Variants in ATG13 observed in about 807,000 individuals in gnomAD.
ATG13 encodes autophagy-related protein 13.
A neutral mutation model predicts 65.5 loss-of-function variants in ATG13; 23 were observed. That is an observed-to-expected ratio of 0.35 (90% CI 0.25 to 0.50). The LOEUF is 0.50. ATG13 is among the 20% of genes least tolerant of loss of function. The probability of loss-of-function intolerance (pLI) is 0.98; values close to 1 mark genes in which losing one functional copy is unlikely to be tolerated. For missense variants in ATG13, 566 were observed against 677.0 expected (o/e 0.84, Z 1.82); for synonymous variants, 252 against 245.2 (o/e 1.03, Z -0.26).
In ATG13 at chr11:46,645,406, C is replaced by T. The variant is rs1374508182; in HGVS notation, c.137C>T (p.Thr46Met). Residue 46 changes from threonine (T) to methionine (M), a missense_variant, in exon 4 of 19, where the codon ACG (threonine) becomes ATG (methionine). Physicochemically the swap from Thr to Met is moderately conservative, Grantham distance 81. Coordinates refer to ENST00000683050, the MANE Select transcript of ATG13 (RefSeq NM_001346311.2). ...TGCACTCGTTCATCATCTTCTCCAA[C>T]GGGTTCAGATTGGGTAAAATTCTAT... is the stretch of plus-strand genomic sequence containing the variant. The part of the protein sequence containing the change: ...KICTRSSSSP[T>M]GSDWFNLAIK... 4.3e-6 allele frequency: 7 copies of T among 1,613,466 alleles called. No homozygotes were observed. Among genetic ancestry groups the T allele is most frequent in the South Asian group, 1.1e-5 (1 of 91,040 alleles).
chr11:46,646,113 G>T, intron 5 of ATG13, 124 bp downstream of exon 5: 3 of 1,307,580 alleles, frequency 2.3e-6, no homozygotes, highest in Non-Finnish European at 1.0e-6. Context: ...ATTCTCTGAG[G>T]GGGTCATAGT....
At chr11:46,671,733 C>G (rs1043894937) in intron 18 of ATG13, among the ~76,000 whole-genome samples, 16 of 152,166 alleles carry the variant, frequency 1.1e-4, no homozygotes, top group African/African-American at 3.1e-4. Context: ...CAGAGCGAGA[C>G]TCTGTCTCAA....
chr11:46,642,859 C>T (rs967771048), intron 2 of ATG13, among the ~76,000 whole-genome samples: 5 of 152,270 alleles, frequency 3.3e-5, no homozygotes, highest in African/African-American at 1.2e-4. Context: ...GATCTGGCTT[C>T]TAGACGCTGA....
intron 18 of ATG13, among the ~76,000 whole-genome samples, chr11:46,669,810 G>A (rs756617561): frequency 6.6e-6 from 1 of 152,036 alleles, no homozygotes; most frequent in Admixed American, 6.6e-5. Context: ...GATGCCACTA[G>A]GCCAAGTTGC....
rs767017297 is a variant in ATG13, at chr11:46,657,653, C to A, written c.695+31C>A. 5.9e-6 allele frequency: 9 copies of A among 1,533,596 alleles called. No individual in the cohort carries two copies. In the East Asian group the frequency reaches 2.0e-4, roughly 35 times the overall value. 95.0% of individuals were successfully genotyped at this position (1,533,596 alleles called of 1,614,324 possible). A position where few individuals can be genotyped will look rare whatever the true frequency, so the allele number is the denominator to read the frequency against. Reference sequence around the variant, plus strand: ...GAATGTGAAAAGGTGCTCTCCCAAACTGCAGCTGGGCAGAAGCATCCATCC... The same window carrying A: ...GAATGTGAAAAGGTGCTCTCCCAAAATGCAGCTGGGCAGAAGCATCCATCC... On this transcript the variant is annotated intron_variant, in intron 10 of 18. Transcript: ENST00000683050.
rs557089546 is a variant in ATG13, at chr11:46,638,801, C to T, written c.-13-5478C>T. Among the ~76,000 whole-genome samples the T allele has an allele frequency of 2.0e-5, 3 of 151,648 alleles. No individual in the cohort carries two copies. In the East Asian group the frequency reaches 5.8e-4, roughly 30 times the overall value. On this transcript the variant is annotated intron_variant, in intron 2 of 18. Transcript: ENST00000683050. ...GCTAATTTCCATGATATATATATTCCTCTTTTTTTGTTTGTTTGTTTTTTG... is the reference window on the plus strand; with the variant it reads ...GCTAATTTCCATGATATATATATTCTTCTTTTTTTGTTTGTTTGTTTTTTG...
intron 7 of ATG13, among the ~76,000 whole-genome samples, chr11:46,651,027 C>T (rs541011669): frequency 1.4e-4 from 21 of 152,288 alleles, no homozygotes; most frequent in Non-Finnish European, 2.9e-4. Context: ...AATTAGTTGT[C>T]TGTGGATATA....
At position 46,617,862 on chromosome 11, in the gene ATG13, G is replaced by T. The variant is rs1167920466; in HGVS notation, c.-98G>T. On this transcript the variant is annotated 5_prime_UTR_variant, in exon 1 of 19. Coordinates refer to ENST00000683050, the MANE Select transcript of ATG13 (RefSeq NM_001346311.2). ...TCCCGGCCTCCGTAATGAGAGCCCG[G>T]AACCACTCTTTGTGCCGCAGCTTCG... 1 of 399,074 alleles carries T rather than the reference G, an allele frequency of 2.5e-6. No individual in the cohort carries two copies. The highest frequency in any genetic ancestry group is 2.1e-5 in the African/African-American group (1 of 48,656). 24.7% of individuals were successfully genotyped at this position (399,074 alleles called of 1,614,324 possible).
At chr11:46,663,840 GC>G (rs1440178315) in intron 11 of ATG13, among the ~76,000 whole-genome samples, 156 bp from the exon 12 acceptor site, 2 of 152,092 alleles carry the variant, frequency 1.3e-5, no homozygotes, top group Non-Finnish European at 2.9e-5. Flanking sequence ...TGGAAAGACA[GC>G]CCCACGCCCT....
intron 2 of ATG13, chr11:46,638,678 G>T (rs2054835919): frequency 6.6e-6 from 1 of 152,170 alleles, no homozygotes; most frequent in Non-Finnish European, 1.5e-5. Context: ...AGATCATGCA[G>T]TATTTGTCTT....
intron 5 of ATG13, among the ~76,000 whole-genome samples, chr11:46,646,328 T>C (rs1194376427): frequency 1.3e-5 from 2 of 152,172 alleles, no homozygotes; most frequent in Non-Finnish European, 2.9e-5. Flanking sequence ...TTTGTATTTT[T>C]AGTAGAGACA....
At chr11:46,664,335 T>C (rs1197054396) in intron 12 of ATG13, among the ~76,000 whole-genome samples, 1 of 152,198 alleles carries the variant, frequency 6.6e-6, no homozygotes, top group East Asian at 1.9e-4. Flanking sequence ...TTATATCAGA[T>C]TTTTAAATAA....
chr11:46,617,570 A>G lies in ATG13; in HGVS notation c.-390A>G. 1 of 115,864 alleles carries G rather than the reference A, an allele frequency of 8.6e-6. No individual in the cohort carries two copies. The highest frequency in any genetic ancestry group is 1.6e-5 in the Non-Finnish European group (1 of 62,508). The allele number at this position is 115,864 out of a possible 1,614,324, so 7.2% of individuals were successfully genotyped here. On this transcript the variant is annotated 5_prime_UTR_variant, in exon 1 of 19. The change abolishes an upstream ATG in the 5' untranslated region. Transcript: ENST00000683050. ...CCCCCCCCGGCCATTACCGAAGCGG[A>G]TGAAAACAAACACTAACGATGGCGG...
intron 7 of ATG13, among the ~76,000 whole-genome samples, chr11:46,652,047 A>G (rs1489376974): frequency 6.6e-6 from 1 of 152,064 alleles, no homozygotes; most frequent in African/African-American, 2.4e-5. Context: ...TAGGAGTTCG[A>G]GACAAGCCTG....
At position 46,665,629 on chromosome 11, in the gene ATG13, G is replaced by A. The variant is rs1445551070; in HGVS notation, c.1136+110G>A. 2.1e-6 allele frequency: 3 copies of A among 1,405,280 alleles called. No homozygotes were observed. In the African/African-American group the frequency reaches 4.3e-5, roughly 20 times the overall value. The allele number at this position is 1,405,280 out of a possible 1,614,324, so 87.1% of individuals were successfully genotyped here. ...AAGAGTAACTTTCAGCATTGGCTGG[G>A]ACATGGCATTTGAGCCCAAAGCATG... On this transcript the variant is annotated intron_variant, in intron 14 of 18. Transcript: ENST00000683050.
intron 2 of ATG13, among the ~76,000 whole-genome samples, chr11:46,643,358 C>T (rs1591777833): frequency 6.6e-6 from 1 of 152,122 alleles, no homozygotes; most frequent in African/African-American, 2.4e-5. Context: ...CTTGGTCCCC[C>T]AGCTATGGCC....
chr11:46,660,554 G>A (rs1162991632), intron 11 of ATG13, among the ~76,000 whole-genome samples: 3 of 151,422 alleles, frequency 2.0e-5, no homozygotes, highest in Non-Finnish European at 4.4e-5. Flanking sequence ...GACTATAGGT[G>A]CCCGCCACCA....
intron 11 of ATG13, among the ~76,000 whole-genome samples, chr11:46,661,945 T>G (rs1742624415): frequency 1.3e-5 from 2 of 152,236 alleles, no homozygotes; most frequent in Admixed American, 1.3e-4. Flanking sequence ...TGTCCTAGTT[T>G]GTTTTGGGTG....
intron 2 of ATG13, among the ~76,000 whole-genome samples, chr11:46,640,091 C>T (rs1015737442): frequency 1.3e-5 from 2 of 152,036 alleles, no homozygotes; most frequent in African/African-American, 4.8e-5. Context: ...GTGATTCTCC[C>T]ATCTTGGCCC....
Sources: allele counts gnomAD v4.1 joint callset (sites outside exome capture counted in the v4.1 genomes callset), GRCh38; gene constraint gnomAD v4.1.1; transcripts MANE v1.5; gene names NCBI Gene and HGNC (gene_info 2026-07-23, HGNC 2026-07-21).